IL1RN: variants seen among roughly 807,000 people sequenced by gnomAD.
IL1RN encodes interleukin 1 receptor antagonist, also known as interleukin-1 receptor antagonist protein.
Under a neutral mutation model 13.7 loss-of-function variants are expected in IL1RN, and 10 were observed. That is an observed-to-expected ratio of 0.73 (90% CI 0.45 to 1.24). IL1RN has a LOEUF of 1.24. Among genes scored for constraint, IL1RN ranks in the 50% most tolerant of loss-of-function variants. The probability of loss-of-function intolerance (pLI) is 0.00; values close to 1 mark genes in which losing one functional copy is unlikely to be tolerated. For missense variants in IL1RN, 213 were observed against 222.1 expected (o/e 0.96, Z 0.26); for synonymous variants, 102 against 82.7 (o/e 1.23, Z -1.27).
chr2:113,118,704 A>G (rs1238058218), intron 1 of IL1RN, among the ~76,000 whole-genome samples: 5 of 152,254 alleles, frequency 3.3e-5, no homozygotes, highest in Non-Finnish European at 5.9e-5. Context: ...TCTCAGGATC[A>G]TTGGTATGTA....
At chr2:113,115,357 G>GTC (rs1686572342), upstream of IL1RN, 2 of 152,202 alleles carry the variant, frequency 1.3e-5, no homozygotes, top group South Asian at 4.2e-4. Flanking sequence ...GAGCCTTGGG[G>GTC]TCTCTCCTGC....
upstream of IL1RN, among the ~76,000 whole-genome samples, chr2:113,105,176 A>G (rs1308795292): frequency 2.0e-5 from 3 of 152,222 alleles, no homozygotes; most frequent in Non-Finnish European, 4.4e-5. Flanking sequence ...ATAGAAAGGC[A>G]TGAAGATGGT....
At chr2:113,117,360 G>A (rs569658896), upstream of IL1RN, among the ~76,000 whole-genome samples, 27 of 152,308 alleles carry the variant, frequency 1.8e-4, no homozygotes, top group African/African-American at 5.8e-4. Context: ...ACATTGCTCA[G>A]GTCTCCACTC....
intron 1 of IL1RN, among the ~76,000 whole-genome samples, chr2:113,128,750 A>G (rs1452061565): frequency 6.6e-6 from 1 of 152,196 alleles, no homozygotes; most frequent in African/African-American, 2.4e-5. Flanking sequence ...AGGTGGGTAC[A>G]GTTAGCCACA....
At chr2:113,108,558 T>C (rs879835223), upstream of IL1RN, among the ~76,000 whole-genome samples, 2 of 152,178 alleles carry the variant, frequency 1.3e-5, no homozygotes, top group Non-Finnish European at 2.9e-5. Flanking sequence ...ATAATCTCTT[T>C]ATTTTAAGGT....
upstream of IL1RN, among the ~76,000 whole-genome samples, chr2:113,114,563 G>C (rs1276382596): frequency 1.3e-5 from 2 of 152,174 alleles, no homozygotes; most frequent in African/African-American, 4.8e-5. Context: ...CATTTGATGT[G>C]ACTTGGAAGT....
chr2:113,129,404 C>G (rs1461064603), intron 1 of IL1RN, among the ~76,000 whole-genome samples, 172 bp from the exon 2 acceptor site: 5 of 152,162 alleles, frequency 3.3e-5, no homozygotes, highest in Non-Finnish European at 4.4e-5. Context: ...GCCTCTTAAC[C>G]ATTGTCAGCC....
chr2:113,101,632 T>C, the IL1RN span, among the ~76,000 whole-genome samples: 1 of 152,238 alleles, frequency 6.6e-6, no homozygotes, highest in South Asian at 2.1e-4. Context: ...GGCTCTCGAT[T>C]TTCTAATTTA....
chr2:113,129,705 G>A lies in IL1RN; in HGVS notation c.205+41G>A, dbSNP rs185858093. On this transcript the variant is annotated intron_variant, in intron 2 of 3. Coordinates refer to ENST00000409930, the MANE Select transcript of IL1RN (RefSeq NM_173842.3). ...GAAAGCCAATGTATGTGGGCATCAC[G>A]TCACTTTGCCCGTCTGTCTGCAGCA... 9.6e-5 allele frequency: 125 copies of A among 1,298,238 alleles called. No homozygotes were observed. In the Admixed American group the frequency reaches 1.4e-3, roughly 14 times the overall value. 80.4% of individuals were successfully genotyped at this position (1,298,238 alleles called of 1,614,324 possible). A position where few individuals can be genotyped will look rare whatever the true frequency, so the allele number is the denominator to read the frequency against.
intron 1 of IL1RN, among the ~76,000 whole-genome samples, chr2:113,112,031 C>G (rs145413882): frequency 2.0e-4 from 30 of 152,336 alleles, no homozygotes; most frequent in African/African-American, 6.7e-4. Context: ...CCTCCTTTTG[C>G]CAATGTTGCA....
chr2:113,121,630 A>G, intron 2 of IL1RN: 1 of 983,942 alleles, frequency 1.0e-6, no homozygotes, highest in Non-Finnish European at 1.2e-6. Context: ...TAAGTTAACC[A>G]TGTAGATCTG....
upstream of IL1RN, among the ~76,000 whole-genome samples, chr2:113,115,234 C>G (rs1448272986): frequency 6.6e-6 from 1 of 152,142 alleles, no homozygotes; most frequent in Non-Finnish European, 1.5e-5. Flanking sequence ...ATGCACCTCT[C>G]CCCTGGCTGG....
upstream of IL1RN, among the ~76,000 whole-genome samples, chr2:113,116,188 C>T (rs1029872541): frequency 6.6e-5 from 10 of 152,186 alleles, no homozygotes; most frequent in Admixed American, 3.9e-4. Flanking sequence ...CTTAATGTGT[C>T]CTCCTCCTGT....
upstream of IL1RN, among the ~76,000 whole-genome samples, chr2:113,114,649 G>C (rs1558861056): frequency 6.6e-6 from 1 of 152,050 alleles, no homozygotes; most frequent in African/African-American, 2.4e-5. Flanking sequence ...CCGTGTGTGA[G>C]TGTGTGTGTG....
intron 3 of IL1RN, among the ~76,000 whole-genome samples, chr2:113,131,641 T>C (rs539841601): frequency 6.6e-6 from 1 of 152,240 alleles, no homozygotes; most frequent in African/African-American, 2.4e-5. Flanking sequence ...CTCTGTGTGC[T>C]ACTCCCTTGC....
chr2:113,118,973 G>A (rs909633774), intron 1 of IL1RN, among the ~76,000 whole-genome samples: 1 of 152,088 alleles, frequency 6.6e-6, no homozygotes, highest in Non-Finnish European at 1.5e-5. Context: ...GGAGGTAGAG[G>A]TTGCAGTGAA....
upstream of IL1RN, among the ~76,000 whole-genome samples, chr2:113,107,550 C>T (rs989094892): frequency 1.4e-5 from 2 of 145,446 alleles, no homozygotes; most frequent in African/African-American, 5.2e-5. Context: ...ATGGTGAAAC[C>T]CCATCTCTAC....
upstream of IL1RN, among the ~76,000 whole-genome samples, chr2:113,123,515 A>G (rs1686851287): frequency 6.6e-6 from 1 of 152,182 alleles, no homozygotes; most frequent in African/African-American, 2.4e-5. Context: ...GAATGATCTC[A>G]AGTCCTGCTA....
At chr2:113,120,960 TTTCTTCTTC>T (rs758115060) in intron 2 of IL1RN, among the ~76,000 whole-genome samples, 1 of 150,156 alleles carries the variant, frequency 6.7e-6, no homozygotes, top group Non-Finnish European at 1.5e-5. Flanking sequence ...CCTTGAGTAG[TTTCTTCTTC>T]TTCTTCTTCT....
Sources: allele counts gnomAD v4.1 joint callset (sites outside exome capture counted in the v4.1 genomes callset), GRCh38; gene constraint gnomAD v4.1.1; transcripts MANE v1.5; gene names NCBI Gene and HGNC (gene_info 2026-07-23, HGNC 2026-07-21).